Variants in CCAR2 observed in about 807,000 individuals in gnomAD.
CCAR2 encodes the protein cell cycle and apoptosis regulator 2.
Under a neutral mutation model 108.1 loss-of-function variants are expected in CCAR2, and 21 were observed. That is an observed-to-expected ratio of 0.19 (90% CI 0.14 to 0.28). The LOEUF is 0.28. CCAR2 is among the 10% of genes least tolerant of loss of function. The pLI is 1.00. For synonymous variants in CCAR2, 577 were observed against 472.8 expected (o/e 1.22, Z -2.86); for missense variants, 1,126 against 1,177.0 (o/e 0.96, Z 0.63).
chr8:22,615,719 A>G lies in CCAR2; in HGVS notation c.1415A>G (p.Glu472Gly). The G allele has an allele frequency of 6.2e-7, 1 of 1,613,748 alleles. No individual in the cohort carries two copies. Among genetic ancestry groups the G allele is most frequent in the South Asian group, 1.1e-5 (1 of 91,082 alleles). Reference protein sequence around the residue: ...EPTEQAPDALEQAADTSRRNA... With the variant: ...EPTEQAPDALGQAADTSRRNA... Reference sequence around the variant, plus strand: ...ACTGAACAGGCACCTGATGCCTTGGAGCAAGCAGCAGACACTTCTAGACGG... The same window carrying G: ...ACTGAACAGGCACCTGATGCCTTGGGGCAAGCAGCAGACACTTCTAGACGG... Residue 472 changes from glutamate to glycine, a missense_variant, in exon 13 of 21, where the codon GAG becomes GGG. Physicochemically the swap from Glu to Gly is moderately conservative, Grantham distance 98. Around this residue, in one of 4 missense-constraint regions of CCAR2, gnomAD observed 1,013 missense variants for 993.9 expected, o/e 1.02. Transcript: ENST00000308511.
chr8:22,611,404 GTATGTGTGTGTATATATGTGTGTATA>G (rs1316564329), intron 7 of CCAR2, among the ~76,000 whole-genome samples: 1 of 105,256 alleles, frequency 9.5e-6, no homozygotes, highest in Non-Finnish European at 2.1e-5. Flanking sequence ...GTGTGTGTGT[GTATGTGTGTGTATATATGTGTGTATA>G]TATGTGTGTG....
At position 22,614,261 on chromosome 8, in the gene CCAR2, G is replaced by T. The variant is rs200740265; in HGVS notation, c.874G>T (p.Asp292Tyr). Residue 292 changes from aspartate (D) to tyrosine (Y), a missense_variant, in exon 9 of 21, where the codon GAC (aspartate) becomes TAC (tyrosine). Coordinates refer to ENST00000308511, the MANE Select transcript of CCAR2 (RefSeq NM_001393997.1). ...QVSSEKEAAP[D>Y]AGAEPITADS... is the part of the protein sequence containing the mutation. ...CTCTTCTGAAAAGGAGGCAGCTCCAGACGCTGGTGCTGAGCCCATCACTGC... is the reference window on the plus strand; with the variant it reads ...CTCTTCTGAAAAGGAGGCAGCTCCATACGCTGGTGCTGAGCCCATCACTGC... 49 of 1,614,000 alleles carry T rather than the reference G, an allele frequency of 3.0e-5. No individual in the cohort carries two copies. The highest frequency in any genetic ancestry group is 3.6e-5 in the Non-Finnish European group (43 of 1,180,042).
intron 20 of CCAR2, 105 bp downstream of exon 20, chr8:22,619,460 G>T: frequency 6.9e-7 from 1 of 1,441,632 alleles, no homozygotes; most frequent in Middle Eastern, 1.8e-4. Context: ...GGGCCAGCAG[G>T]CACCGGCTTC....
intron 5 of CCAR2, 39 bp from the exon 6 acceptor site, chr8:22,607,157 C>T (rs1801108542): frequency 1.2e-6 from 2 of 1,611,874 alleles, no homozygotes; most frequent in Non-Finnish European, 1.7e-6. Flanking sequence ...AGTGCCTCAA[C>T]CATGGGGTCC....
intron 3 of CCAR2, among the ~76,000 whole-genome samples, 198 bp from the exon 4 acceptor site, chr8:22,606,409 T>C (rs1301063684): frequency 6.6e-6 from 1 of 152,164 alleles, no homozygotes; most frequent in Non-Finnish European, 1.5e-5. Flanking sequence ...CAGAAGAAGC[T>C]TGTGGGTCAA....
At chr8:22,621,095 C>T, downstream of CCAR2, 1 of 286,604 alleles carries the variant, frequency 3.5e-6, no homozygotes, top group Non-Finnish European at 6.6e-6. Flanking sequence ...GGCTAAGACC[C>T]CCAACTTAGC....
rs200535311 is a variant in CCAR2, at chr8:22,607,015, C to T, written c.348C>T (p.Leu116=). Residue 116 remains leucine (L), a synonymous_variant, in exon 5 of 21, where the codon CTC becomes CTT. Transcript: ENST00000308511. ...VPWNAVKVQT[L]SNQPLLKSPA... Reference sequence around the variant, plus strand: ...GGAATGCTGTCAAGGTGCAAACGCTCTCCAACCAGGTATTCATATCTCCTT... The same window carrying T: ...GGAATGCTGTCAAGGTGCAAACGCTTTCCAACCAGGTATTCATATCTCCTT... The T allele has an allele frequency of 6.2e-7, 1 of 1,614,102 alleles. No homozygotes were observed. The highest frequency in any genetic ancestry group is 8.5e-7 in the Non-Finnish European group (1 of 1,179,988).
chr8:22,619,044 G>A (rs201261859), intron 19 of CCAR2, 29 bp downstream of exon 19: 11 of 1,609,390 alleles, frequency 6.8e-6, no homozygotes, highest in Non-Finnish European at 9.3e-6. Context: ...AGCCACCATG[G>A]GGTCACATGC....
rs896731661 is a variant in CCAR2 at position 22,606,013 on chromosome 8, C to T, written c.59-72C>T. 4.6e-5 allele frequency: 66 copies of T among 1,425,416 alleles called. 1 individual carries two copies. The highest frequency in any genetic ancestry group is 6.3e-5 in the Non-Finnish European group (64 of 1,010,154). 88.3% of individuals were successfully genotyped at this position (1,425,416 alleles called of 1,614,324 possible). A position where few individuals can be genotyped will look rare whatever the true frequency, so the allele number is the denominator to read the frequency against. On this transcript the variant is annotated intron_variant, in intron 2 of 20. Coordinates refer to ENST00000308511, the MANE Select transcript of CCAR2 (RefSeq NM_001393997.1). The stretch of plus-strand genomic sequence containing the variant: ...GCTGGAGCTGTAGCCTTTGGATTTA[C>T]CACATCCTTTGGTTGACTCGTGCTT...
Position 22,606,589 on chromosome 8 carries a change from T to C in CCAR2, c.151-18T>C. On this transcript the variant is annotated intron_variant, in intron 3 of 20. Transcript: ENST00000308511. ...AGTTTCCTCCCTTTTACTTTTCAGC[T>C]GTCTCCTTCTCTTACAGGGTGGGGA... 3 of 1,603,172 alleles carry C rather than the reference T, an allele frequency of 1.9e-6. No individual in the cohort carries two copies. The highest frequency in any genetic ancestry group is 2.6e-6 in the Non-Finnish European group (3 of 1,170,100).
chr8:22,614,062 A>G (rs1241641706), intron 8 of CCAR2, 30 bp from the exon 9 acceptor site: 1 of 1,579,728 alleles, frequency 6.3e-7, no homozygotes, highest in South Asian at 1.1e-5. Flanking sequence ...GTCTTTGCTC[A>G]GTCTGGATTC....
chr8:22,619,528 G>A, intron 20 of CCAR2, 110 bp from the exon 21 acceptor site: 2 of 1,419,738 alleles, frequency 1.4e-6, no homozygotes, highest in South Asian at 2.5e-5. Flanking sequence ...TGGGAATTGA[G>A]CAGTCAGCAG....
In CCAR2 at chr8:22,618,341, C is replaced by G. The variant is rs73672800; in HGVS notation, c.2074-8C>G. 1.1e-5 allele frequency: 17 copies of G among 1,614,066 alleles called. No individual in the cohort carries two copies. The highest frequency in any genetic ancestry group is 1.3e-5 in the African/African-American group (1 of 74,946). ...TGCAAATCCTGCTCATCTTTGTTTTCTTTGCAGCCCAAGGAGCTGGATCCC... is the reference window on the plus strand; with the variant it reads ...TGCAAATCCTGCTCATCTTTGTTTTGTTTGCAGCCCAAGGAGCTGGATCCC... On this transcript the variant is annotated splice_region_variant and splice_polypyrimidine_tract_variant and intron_variant, in intron 16 of 20. Transcript: ENST00000308511.
intron 7 of CCAR2, among the ~76,000 whole-genome samples, chr8:22,611,388 A>ATATATATGTGTGTGTGTG (rs1554559973): frequency 7.8e-6 from 1 of 128,476 alleles, no homozygotes; most frequent in African/African-American, 3.2e-5. Flanking sequence ...AAGTATATAT[A>ATATATATGTGTGTGTGTG]TGTGTGTGTG....
In CCAR2 at chr8:22,615,768, C is replaced by T. The variant is rs6558166; in HGVS notation, c.1464C>T (p.Thr488=). 4 of 1,613,844 alleles carry T rather than the reference C, an allele frequency of 2.5e-6. No individual in the cohort carries two copies. In the East Asian group the frequency reaches 8.9e-5, roughly 36 times the overall value. Residue 488 remains threonine, a synonymous_variant, in exon 13 of 21, where the codon ACC becomes ACT. Coordinates refer to ENST00000308511, the MANE Select transcript of CCAR2 (RefSeq NM_001393997.1). ...GGAACGCAGAAACTCCAGAGGCCACCACACAGCAGGAAACGGACACTGATC... is the reference window on the plus strand; with the variant it reads ...GGAACGCAGAAACTCCAGAGGCCACTACACAGCAGGAAACGGACACTGATC... ...SRRNAETPEA[T]TQQETDTDLP...
chr8:22,607,595 G>A (rs1033349189), intron 6 of CCAR2, among the ~76,000 whole-genome samples: 1 of 149,556 alleles, frequency 6.7e-6, no homozygotes, highest in African/African-American at 2.5e-5. Context: ...AGCTTCCCCC[G>A]TAGCTGGGAT....
In CCAR2 at chr8:22,606,594, CCTT is replaced by C. The variant is rs771315413; in HGVS notation, c.151-10_151-8del. On this transcript the variant is annotated splice_polypyrimidine_tract_variant and intron_variant, in intron 3 of 20. Transcript: ENST00000308511. ...CCTCCCTTTTACTTTTCAGCTGTCT[CCTT>C]CTCTTACAGGGTGGGGAGAAACAGC... 61 of 1,608,978 alleles carry C rather than the reference CCTT, an allele frequency of 3.8e-5. No homozygotes were observed. The highest frequency in any genetic ancestry group is 8.0e-5 in the African/African-American group (6 of 74,796).
downstream of CCAR2, chr8:22,621,155 C>G (rs1335546012): frequency 2.2e-6 from 1 of 444,500 alleles, no homozygotes; most frequent in Non-Finnish European, 4.1e-6. Flanking sequence ...AGGCCGTGGG[C>G]CAGGATGCAT....
Position 22,614,251 on chromosome 8 carries a change from G to T in CCAR2, c.864G>T (p.Glu288Asp). The change falls in exon 9 of 21, where the codon GAG becomes GAT. Residue 288 changes from glutamate to aspartate, a missense_variant. By Grantham distance (45) the Glu-to-Asp change is conservative. Coordinates refer to ENST00000308511, the MANE Select transcript of CCAR2 (RefSeq NM_001393997.1). ...PSRIQVSSEK[E>D]AAPDAGAEPI... ...GGATCCAGGTCTCTTCTGAAAAGGA[G>T]GCAGCTCCAGACGCTGGTGCTGAGC... 6.2e-7 allele frequency: 1 copy of T among 1,614,086 alleles called. No homozygotes were observed. Among genetic ancestry groups the T allele is most frequent in the South Asian group, 1.1e-5 (1 of 91,086 alleles).
Sources: gnomAD v4.1 joint callset for allele counts (sites outside exome capture counted in the v4.1 genomes callset) on GRCh38, gnomAD v4.1.1 for gene constraint, gnomAD v4.1.1 regional missense constraint, MANE v1.5 for transcripts, NCBI Gene and HGNC (gene_info 2026-07-23, HGNC 2026-07-21) for gene names.